Variants in GADL1 observed in about 807,000 individuals in gnomAD.
GADL1 encodes the protein GAD like acidic amino acid decarboxylase 1.
A neutral mutation model predicts 69.5 loss-of-function variants in GADL1; 71 were observed. The ratio of observed to expected loss-of-function variants is 1.02; its 90% CI spans 0.84 to 1.25. The LOEUF (loss-of-function observed/expected upper bound fraction) is 1.25. Among genes scored for constraint, GADL1 ranks in the 50% most tolerant of loss-of-function variants. The pLI is 0.00. For synonymous variants in GADL1, 254 were observed against 214.4 expected (o/e 1.18, Z -1.62); for missense variants, 737 against 631.8 (o/e 1.17, Z -1.79).
intron 14 of GADL1, among the ~76,000 whole-genome samples, chr3:30,768,528 G>A (rs200540350): frequency 7.5e-6 from 1 of 132,676 alleles, no homozygotes; most frequent in Non-Finnish European, 1.6e-5. Flanking sequence ...AAATAAGAAT[G>A]AAATTTTGAG....
chr3:30,808,079 C>G (rs546287151), intron 11 of GADL1, among the ~76,000 whole-genome samples: 5 of 151,962 alleles, frequency 3.3e-5, no homozygotes, highest in African/African-American at 1.2e-4. Context: ...TCAGACTGAC[C>G]CATGTAAAAG....
At chr3:30,843,728 T>C (rs1354041671) in intron 8 of GADL1, among the ~76,000 whole-genome samples, 1 of 151,926 alleles carries the variant, frequency 6.6e-6, no homozygotes, top group Non-Finnish European at 1.5e-5. Context: ...CAACAGGGGT[T>C]GATAGTAATA....
Position 30,804,587 on chromosome 3 carries a change from C to T in GADL1, c.1051-3499G>A, listed in dbSNP as rs1697221033. 2.0e-5 allele frequency among the ~76,000 whole-genome samples: 3 copies of T among 152,112 alleles called. No homozygotes were observed. In the South Asian group the frequency reaches 6.2e-4, roughly 32 times the overall value. On this transcript the variant is annotated intron_variant, in intron 11 of 14. Transcript: ENST00000282538. ...CTTCTTACTTATCTGACTATTCTAGCCTGCCTTCAGCAAGAATCTTGTTAG... is the reference window on the plus strand; with the variant it reads ...CTTCTTACTTATCTGACTATTCTAGTCTGCCTTCAGCAAGAATCTTGTTAG...
At chr3:30,828,445 C>CT (rs1316217042) in intron 11 of GADL1, among the ~76,000 whole-genome samples, 1 of 126,574 alleles carries the variant, frequency 7.9e-6, no homozygotes, top group Non-Finnish European at 1.6e-5. Flanking sequence ...CTATCCCACT[C>CT]TTTTTTCTGC....
At chr3:30,881,037 G>A (rs1469617001) in intron 1 of GADL1, among the ~76,000 whole-genome samples, 1 of 151,854 alleles carries the variant, frequency 6.6e-6, no homozygotes, top group Non-Finnish European at 1.5e-5. Context: ...TTCCCTAAGG[G>A]TTAGAGATCA....
chr3:30,854,631 AT>A lies in GADL1; in HGVS notation c.428+67del, dbSNP rs1575235766. The stretch of plus-strand genomic sequence containing the variant: ...AAACCATTAAATAGAGATTTTTGAA[AT>A]AAAATTTCATCTACTTAAAGTCTCT... On this transcript the variant is annotated intron_variant, in intron 4 of 14. Transcript: ENST00000282538. The A allele has an allele frequency of 6.6e-6, 6 of 908,220 alleles. No individual in the cohort carries two copies. The East Asian group carries it at 1.6e-4, about 24-fold the overall frequency. 56.3% of individuals were successfully genotyped at this position (908,220 alleles called of 1,614,324 possible).
At position 30,730,036 on chromosome 3, in the gene GADL1, T is replaced by A. The variant is rs7355842; in HGVS notation, c.1393-1621A>T. ...CATGGGCCATCAGGTTCTACAAACTTCTAAATATATGTGACACATTTTATT... is the reference window on the plus strand; with the variant it reads ...CATGGGCCATCAGGTTCTACAAACTACTAAATATATGTGACACATTTTATT... On this transcript the variant is annotated intron_variant, in intron 14 of 14. Transcript: ENST00000282538. Among the ~76,000 whole-genome samples the A allele has an allele frequency of 7.2e-3, 1,098 of 152,300 alleles. 14 individuals are homozygous for A. The highest frequency in any genetic ancestry group is 0.025 in the African/African-American group (1,053 of 41,572).
chr3:30,809,336 C>A (rs1420026989), intron 11 of GADL1, among the ~76,000 whole-genome samples: 1 of 152,096 alleles, frequency 6.6e-6, no homozygotes, highest in African/African-American at 2.4e-5. Flanking sequence ...GGAGAGAGAA[C>A]TTATTTTTTA....
chr3:30,802,874 A>T (rs1361843232), intron 11 of GADL1, among the ~76,000 whole-genome samples: 2 of 152,166 alleles, frequency 1.3e-5, no homozygotes, highest in East Asian at 1.9e-4. Context: ...CTGAGGCAAG[A>T]GGATCACCTG....
chr3:30,885,873 C>T (rs1698697470), intron 1 of GADL1, among the ~76,000 whole-genome samples: 1 of 152,004 alleles, frequency 6.6e-6, no homozygotes, highest in Non-Finnish European at 1.5e-5. Context: ...TCCCGAAGTA[C>T]TGGAGCTATA....
chr3:30,842,558 GAGGA>G (rs1697984987), intron 8 of GADL1, among the ~76,000 whole-genome samples: 1 of 151,966 alleles, frequency 6.6e-6, no homozygotes, highest in African/African-American at 2.4e-5. Context: ...TGGAGAAAGG[GAGGA>G]AGGAAGGAGA....
intron 14 of GADL1, among the ~76,000 whole-genome samples, chr3:30,759,562 G>A (rs1696071156): frequency 6.6e-6 from 1 of 152,152 alleles, no homozygotes; most frequent in Admixed American, 6.5e-5. Context: ...CAGTAACACT[G>A]TGGTAAGCTA....
chr3:30,762,099 A>G (rs1332625483), intron 14 of GADL1, among the ~76,000 whole-genome samples: 1 of 152,150 alleles, frequency 6.6e-6, no homozygotes, highest in African/African-American at 2.4e-5. Flanking sequence ...TGCCCTGCTT[A>G]GGAACCCATG....
intron 11 of GADL1, among the ~76,000 whole-genome samples, chr3:30,825,913 CAT>C (rs1193280222): frequency 6.6e-6 from 1 of 152,000 alleles, no homozygotes; most frequent in East Asian, 1.9e-4. Context: ...ATGCTTAGCA[CAT>C]GTATCCCAGA....
intron 14 of GADL1, among the ~76,000 whole-genome samples, chr3:30,775,171 A>G (rs566823166): frequency 1.3e-5 from 2 of 152,346 alleles, no homozygotes; most frequent in East Asian, 3.9e-4. Flanking sequence ...CATACTTGCA[A>G]GCATACATAT....
chr3:30,849,755 ATTCTT>A (rs1297960465), intron 6 of GADL1, among the ~76,000 whole-genome samples: 1 of 152,048 alleles, frequency 6.6e-6, no homozygotes, highest in Non-Finnish European at 1.5e-5. Context: ...CAAATTAAAT[ATTCTT>A]TTCTTAAAAT....
intron 1 of GADL1, among the ~76,000 whole-genome samples, chr3:30,879,252 G>A (rs1559367980): frequency 1.3e-5 from 2 of 151,900 alleles, no homozygotes; most frequent in Non-Finnish European, 2.9e-5. Flanking sequence ...TTTGGTGATG[G>A]TATAGACATT....
At chr3:30,745,367 G>T (rs745887656) in intron 14 of GADL1, among the ~76,000 whole-genome samples, 3 of 152,164 alleles carry the variant, frequency 2.0e-5, no homozygotes, top group Non-Finnish European at 4.4e-5. Context: ...CTATCAATTA[G>T]ATCCCTAATT....
intron 14 of GADL1, among the ~76,000 whole-genome samples, chr3:30,760,946 G>A (rs1317064851): frequency 6.6e-6 from 1 of 150,672 alleles, no homozygotes; most frequent in Non-Finnish European, 1.5e-5. Context: ...CTGATGTCCT[G>A]TGCTGTTCTA....
Sources: gnomAD v4.1 joint callset for allele counts (sites outside exome capture counted in the v4.1 genomes callset) on GRCh38, gnomAD v4.1.1 for gene constraint, MANE v1.5 for transcripts, NCBI Gene and HGNC (gene_info 2026-07-23, HGNC 2026-07-21) for gene names.